Variants in ANXA10 observed in about 807,000 individuals in gnomAD.
ANXA10 encodes annexin A10.
ANXA10 carries 49 observed loss-of-function variants against 53.5 expected under a neutral mutation model. That is an observed-to-expected ratio of 0.92 (90% CI 0.73 to 1.16). ANXA10 has a LOEUF of 1.16. Among genes scored for constraint, ANXA10 ranks in the 50% most tolerant of loss-of-function variants. ANXA10 has a pLI of 0.00. For synonymous variants in ANXA10, 131 were observed against 128.9 expected (o/e 1.02, Z -0.11); for missense variants, 393 against 394.4 (o/e 1.00, Z 0.03).
intron 2 of ANXA10, among the ~76,000 whole-genome samples, chr4:168,132,723 A>C (rs1015048186): frequency 6.6e-6 from 1 of 152,104 alleles, no homozygotes; most frequent in Non-Finnish European, 1.5e-5. Flanking sequence ...CTATATAAAA[A>C]CATCTTGTGT....
chr4:168,102,816 G>A (rs1012846281), intron 1 of ANXA10, among the ~76,000 whole-genome samples: 24 of 152,024 alleles, frequency 1.6e-4, no homozygotes, highest in Non-Finnish European at 4.4e-5. Context: ...GTAACAGTAC[G>A]TTTAGCTTTA....
intron 1 of ANXA10, 172 bp from the exon 2 acceptor site, chr4:168,127,911 AG>A (rs1271093738): frequency 1.4e-4 from 51 of 375,218 alleles, no homozygotes; most frequent in Admixed American, 4.7e-5. Flanking sequence ...TTTTGTAGAG[AG>A]GGGGTTTCAT....
chr4:168,092,843 C>CT, intron 1 of ANXA10, 125 bp downstream of exon 1: 1 of 808,194 alleles, frequency 1.2e-6, no homozygotes, highest in Non-Finnish European at 1.8e-6. Flanking sequence ...ATTCTTACTA[C>CT]TTTCTTACTA....
intron 4 of ANXA10, among the ~76,000 whole-genome samples, chr4:168,163,368 C>T (rs929820546): frequency 6.6e-5 from 10 of 152,090 alleles, no homozygotes; most frequent in African/African-American, 1.7e-4. Context: ...TTACCACAAT[C>T]TGTGAACAAT....
chr4:168,136,726 T>A (rs1731243590), intron 2 of ANXA10, among the ~76,000 whole-genome samples: 2 of 152,162 alleles, frequency 1.3e-5, no homozygotes. Context: ...TGGTGCAAGA[T>A]GTCAGTTCAT....
At chr4:168,120,771 A>C (rs1560963424) in intron 1 of ANXA10, among the ~76,000 whole-genome samples, 1 of 152,108 alleles carries the variant, frequency 6.6e-6, no homozygotes, top group Non-Finnish European at 1.5e-5. Context: ...TCTTCTCTTA[A>C]CCTGAAAGTG....
intron 9 of ANXA10, among the ~76,000 whole-genome samples, chr4:168,180,858 C>G (rs373189440): frequency 5.3e-5 from 8 of 152,192 alleles, no homozygotes; most frequent in African/African-American, 1.9e-4. Flanking sequence ...AGCAAGGTAA[C>G]TGTTGACCAG....
intron 3 of ANXA10, among the ~76,000 whole-genome samples, chr4:168,147,755 T>C (rs907671151): frequency 4.6e-5 from 7 of 152,194 alleles, no homozygotes; most frequent in African/African-American, 1.7e-4. Context: ...GACACCTGCA[T>C]CCAACAGATT....
intron 1 of ANXA10, among the ~76,000 whole-genome samples, chr4:168,118,534 T>A (rs1730934450): frequency 6.6e-6 from 1 of 152,166 alleles, no homozygotes; most frequent in Admixed American, 6.5e-5. Context: ...ATGGCACTAG[T>A]AGTGTTCTGT....
chr4:168,155,829 GATATATC>G (rs1560783840), intron 3 of ANXA10, among the ~76,000 whole-genome samples: 123 of 8,110 alleles, frequency 0.015, no homozygotes, highest in South Asian at 0.024. Context: ...TATGATATAT[GATATATC>G]ATATATAATA....
chr4:168,149,492 T>C (rs920160140), intron 3 of ANXA10, among the ~76,000 whole-genome samples: 1 of 152,218 alleles, frequency 6.6e-6, no homozygotes, highest in Non-Finnish European at 1.5e-5. Context: ...CTCAGATTGT[T>C]ATTAATGATC....
rs1344698700 is a variant in ANXA10 at position 168,187,405 on chromosome 4, A to G, written c.946A>G (p.Ile316Val). Residue 316 changes from isoleucine to valine, a missense_variant, in exon 12 of 12, where the codon ATC (isoleucine) becomes GTC (valine). Coordinates refer to ENST00000359299, the MANE Select transcript of ANXA10 (RefSeq NM_007193.5). ...GCATTATAAGAAAGCACTGCTTGCC[A>G]TCTGTGCTGGTGATGCTGAGGACTA... ...SGHYKKALLA[I>V]CAGDAEDY The G allele has an allele frequency of 6.3e-7, 1 of 1,599,302 alleles. No homozygotes were observed. Among genetic ancestry groups the G allele is most frequent in the Admixed American group, 1.7e-5 (1 of 59,524 alleles).
chr4:168,182,576 G>A lies in ANXA10; in HGVS notation c.783+835G>A, dbSNP rs868507108. Among the ~76,000 whole-genome samples, 11 of 148,586 alleles carry A rather than the reference G, an allele frequency of 7.4e-5. 1 individual carries two copies. The highest frequency in any genetic ancestry group is 5.3e-4 in the Admixed American group (8 of 15,034). ...TCTCGATTTCCTGACTTCGTGATCC[G>A]CCCGCCTCGGCCTCCCAAAGTGCCG... is the stretch of plus-strand genomic sequence containing the variant. On this transcript the variant is annotated intron_variant, in intron 10 of 11. Transcript: ENST00000359299.
chr4:168,106,534 A>T (rs1407064071), intron 1 of ANXA10, among the ~76,000 whole-genome samples: 1 of 152,144 alleles, frequency 6.6e-6, no homozygotes, highest in Non-Finnish European at 1.5e-5. Context: ...ATTAATTGAA[A>T]TACATATCTC....
intron 2 of ANXA10, among the ~76,000 whole-genome samples, chr4:168,139,169 T>A (rs1325191741): frequency 6.6e-6 from 1 of 152,136 alleles, no homozygotes; most frequent in African/African-American, 2.4e-5. Context: ...TATCTTTGTA[T>A]TGTTTCTGTT....
rs981094873 is a variant in ANXA10 at position 168,093,668 on chromosome 4, C to A, written c.18+950C>A. 3.3e-5 allele frequency among the ~76,000 whole-genome samples: 5 copies of A among 152,124 alleles called. No individual in the cohort carries two copies. The East Asian group carries it at 9.6e-4, about 29-fold the overall frequency. ...CTCCAGCCTGGGCGACAGAGCGAGA[C>A]TCCATCTCAAAAAACAAAAAACAAC... On this transcript the variant is annotated intron_variant, in intron 1 of 11. Transcript: ENST00000359299.
rs367750019 is a variant in ANXA10, at chr4:168,186,960, A to G, written c.907-406A>G. Among the ~76,000 whole-genome samples, 14 of 152,200 alleles carry G rather than the reference A, an allele frequency of 9.2e-5. No individual in the cohort carries two copies. The South Asian group carries it at 2.9e-3, about 32-fold the overall frequency. ...CTTAATATATATTTCTTGAGGTAGA[A>G]TTACTACATTAATAATTATAAATAT... On this transcript the variant is annotated intron_variant, in intron 11 of 11. Transcript: ENST00000359299.
At chr4:168,183,983 T>C (rs1031637663) in intron 10 of ANXA10, among the ~76,000 whole-genome samples, 2 of 152,206 alleles carry the variant, frequency 1.3e-5, no homozygotes, top group African/African-American at 4.8e-5. Context: ...CATACAGACA[T>C]TGATTTTGTA....
chr4:168,183,841 A>G (rs1264391736), intron 10 of ANXA10, among the ~76,000 whole-genome samples: 2 of 152,322 alleles, frequency 1.3e-5, no homozygotes, highest in East Asian at 3.9e-4. Flanking sequence ...TGAAAAGTTT[A>G]TTAGTAATAT....
Sources: gnomAD v4.1 joint callset for allele counts (sites outside exome capture counted in the v4.1 genomes callset) on GRCh38, gnomAD v4.1.1 for gene constraint, MANE v1.5 for transcripts, NCBI Gene and HGNC (gene_info 2026-07-23, HGNC 2026-07-21) for gene names.